ARRDC5: variants seen among roughly 807,000 people sequenced by gnomAD.
ARRDC5 encodes arrestin domain-containing protein 5.
ARRDC5 carries 12 observed loss-of-function variants against 13.3 expected under a neutral mutation model. That is an observed-to-expected ratio of 0.90 (90% CI 0.58 to 1.46). The LOEUF (loss-of-function observed/expected upper bound fraction) is 1.46. Among genes scored for constraint, ARRDC5 ranks in the 40% most tolerant of loss-of-function variants. The pLI, the probability that ARRDC5 is intolerant of heterozygous loss-of-function variation, is 0.00. For synonymous variants in ARRDC5, 181 were observed against 173.4 expected, an observed-to-expected ratio of 1.04 and a Z score of -0.34; for missense variants, 406 against 418.7, an observed-to-expected ratio of 0.97 and a Z score of 0.26.
intron 2 of ARRDC5, among the ~76,000 whole-genome samples, chr19:4,892,097 A>AT (rs1266880068): frequency 6.6e-6 from 1 of 151,284 alleles, no homozygotes; most frequent in Non-Finnish European, 1.5e-5. Context: ...TGTTTTTTGT[A>AT]TTTTTTTGGA....
chr19:4,896,659 C>T lies in ARRDC5; in HGVS notation c.459+12G>A. ...GAGATTGTTCCCACCTCCACCTTTC[C>T]CCCATCGGTACCTGGAATGGGGTTT... On this transcript the variant is annotated intron_variant, in intron 2 of 2. Transcript: ENST00000650722. The T allele has an allele frequency of 6.3e-7, 1 of 1,599,226 alleles. No individual in the cohort carries two copies. Among genetic ancestry groups the T allele is most frequent in the Non-Finnish European group, 8.6e-7 (1 of 1,167,032 alleles).
the ARRDC5 span, chr19:4,910,851 G>A: frequency 1.9e-6 from 3 of 1,582,174 alleles, no homozygotes; most frequent in Non-Finnish European, 2.6e-6. Flanking sequence ...AAACTGATGG[G>A]GGTTTTTGCT....
chr19:4,914,950 A>G, the ARRDC5 span, among the ~76,000 whole-genome samples: 1 of 152,132 alleles, frequency 6.6e-6, no homozygotes, highest in Non-Finnish European at 1.5e-5. Context: ...TGCACTGTGG[A>G]TGTTTGGGGC....
At chr19:4,911,588 G>GCTGA in the ARRDC5 span, among the ~76,000 whole-genome samples, 1 of 152,198 alleles carries the variant, frequency 6.6e-6, no homozygotes, top group Non-Finnish European at 1.5e-5. Context: ...TGCGGCTGCT[G>GCTGA]CTGACCTGGG....
At chr19:4,912,231 A>G in the ARRDC5 span, among the ~76,000 whole-genome samples, 1 of 152,190 alleles carries the variant, frequency 6.6e-6, no homozygotes, top group African/African-American at 2.4e-5. Context: ...GAGAAGAGGC[A>G]GGGCCGGGCT....
At chr19:4,904,713 G>A (rs540428906), upstream of ARRDC5, among the ~76,000 whole-genome samples, 7 of 152,336 alleles carry the variant, frequency 4.6e-5, no homozygotes, top group East Asian at 1.9e-4. Context: ...CAATGTCTGC[G>A]TGACCCAGGC....
chr19:4,915,246 A>T, the ARRDC5 span, among the ~76,000 whole-genome samples: 1 of 152,016 alleles, frequency 6.6e-6, no homozygotes, highest in African/African-American at 2.4e-5. Flanking sequence ...TGCGGGAGGG[A>T]GGGTCCCCAC....
intron 2 of ARRDC5, among the ~76,000 whole-genome samples, chr19:4,894,075 A>C (rs1421032941): frequency 1.4e-5 from 2 of 142,898 alleles, no homozygotes; most frequent in African/African-American, 5.2e-5. Flanking sequence ...GGAGAAGAAG[A>C]AGAAAGAAGA....
At chr19:4,892,507 G>C (rs2146240935) in intron 2 of ARRDC5, among the ~76,000 whole-genome samples, 1 of 150,972 alleles carries the variant, frequency 6.6e-6, no homozygotes, top group African/African-American at 2.4e-5. Flanking sequence ...AGGGACCACA[G>C]GCATGTGTGC....
At chr19:4,909,741 C>A in the ARRDC5 span, 5 of 488,578 alleles carry the variant, frequency 1.0e-5, no homozygotes, top group Non-Finnish European at 1.8e-5. Context: ...GCGCGGCCAG[C>A]CCGGGCGCAC....
chr19:4,893,657 C>A (rs1179706356), intron 2 of ARRDC5, among the ~76,000 whole-genome samples: 2 of 138,996 alleles, frequency 1.4e-5, no homozygotes, highest in Non-Finnish European at 3.1e-5. Flanking sequence ...TTGGGGAGGC[C>A]AAGGGGGGAG....
At chr19:4,910,511 G>GGAATGAATGAATCAAT in the ARRDC5 span, 1 of 180,982 alleles carries the variant, frequency 5.5e-6, no homozygotes, top group African/African-American at 2.3e-5. Flanking sequence ...AGGAATCCGA[G>GGAATGAATGAATCAAT]GAATGAATGA....
chr19:4,891,618 A>T, intron 2 of ARRDC5, 45 bp from the exon 3 acceptor site: 1 of 1,546,078 alleles, frequency 6.5e-7, no homozygotes, highest in Non-Finnish European at 8.8e-7. Flanking sequence ...GACCAGGACC[A>T]CAAAATCCAC....
At chr19:4,916,127 G>C in the ARRDC5 span, among the ~76,000 whole-genome samples, 1 of 151,990 alleles carries the variant, frequency 6.6e-6, no homozygotes, top group Non-Finnish European at 1.5e-5. Context: ...GGGCCATGTA[G>C]CAAGACCCCG....
At chr19:4,902,497 T>C in intron 1 of ARRDC5, 76 bp downstream of exon 1, 19 of 1,410,096 alleles carry the variant, frequency 1.3e-5, no homozygotes, top group Non-Finnish European at 1.9e-5. Context: ...GTTTTGTTGA[T>C]TGACTCTCGG....
the ARRDC5 span, among the ~76,000 whole-genome samples, chr19:4,913,807 CTTTTTTTTTTT>C: frequency 1.8e-5 from 2 of 110,154 alleles, no homozygotes; most frequent in Admixed American, 1.9e-4. Flanking sequence ...CATGCAGTAG[CTTTTTTTTTTT>C]TTTTTTTTTT....
chr19:4,900,848 C>CGT (rs960284757), intron 1 of ARRDC5, among the ~76,000 whole-genome samples: 1 of 151,934 alleles, frequency 6.6e-6, no homozygotes, highest in Admixed American at 6.6e-5. Flanking sequence ...GGAGAAACTC[C>CGT]GTCTCTACTA....
At chr19:4,894,752 GGAA>G (rs748454889) in intron 2 of ARRDC5, among the ~76,000 whole-genome samples, 62 of 102,904 alleles carry the variant, frequency 6.0e-4, no homozygotes, top group Middle Eastern at 6.3e-3. Context: ...AAGAGGAAGA[GGAA>G]GAAGAAGAAG....
the ARRDC5 span, chr19:4,909,739 A>T: frequency 2.0e-6 from 1 of 488,128 alleles, no homozygotes; most frequent in African/African-American, 2.1e-5. Context: ...CCGCGCGGCC[A>T]GCCCGGGCGC....
Sources: allele counts gnomAD v4.1 joint callset (sites outside exome capture counted in the v4.1 genomes callset), GRCh38; gene constraint gnomAD v4.1.1; transcripts MANE v1.5; gene names NCBI Gene and HGNC (gene_info 2026-07-23, HGNC 2026-07-21).